KPNA7: variants seen among roughly 807,000 people sequenced by gnomAD.
KPNA7 encodes the protein karyopherin subunit alpha 7.
A neutral mutation model predicts 53.7 loss-of-function variants in KPNA7; 54 were observed. The observed-to-expected ratio is 1.01, with a 90% CI of 0.81 to 1.26. The LOEUF (loss-of-function observed/expected upper bound fraction) is 1.26, where lower values mean the gene tolerates loss of function less well. Among genes scored for constraint, KPNA7 ranks in the 50% most tolerant of loss-of-function variants. The probability of loss-of-function intolerance (pLI) is 0.00; values close to 1 mark genes in which losing one functional copy is unlikely to be tolerated. For missense variants in KPNA7, 640 were observed against 644.5 expected (o/e 0.99, Z 0.07); for synonymous variants, 276 against 259.3 (o/e 1.06, Z -0.62).
intron 6 of KPNA7, 21 bp downstream of exon 6, chr7:99,192,998 G>A (rs74537029): frequency 6.4e-6 from 9 of 1,409,874 alleles, no homozygotes; most frequent in Admixed American, 2.7e-5. Flanking sequence ...AAAAAAAAAA[G>A]AGAAAGAAAA....
chr7:99,188,291 T>C lies in KPNA7; in HGVS notation c.900+9A>G. ...GACTCGAATCCACAGGGCCCAGGAT[T>C]GCATTTACCAAGACATTGAGTTCTG... On this transcript the variant is annotated intron_variant, in intron 7 of 10. Transcript: ENST00000327442. 2 of 1,549,222 alleles carry C rather than the reference T, an allele frequency of 1.3e-6. No homozygotes were observed. The highest frequency in any genetic ancestry group is 2.4e-5 in the South Asian group (2 of 84,016).
At chr7:99,197,140 C>T (rs955807618) in intron 3 of KPNA7, among the ~76,000 whole-genome samples, 3 of 152,164 alleles carry the variant, frequency 2.0e-5, no homozygotes, top group African/African-American at 7.2e-5. Context: ...TGTCAACTGC[C>T]TGGCTGAGTG....
chr7:99,148,016 C>T, the KPNA7 span, among the ~76,000 whole-genome samples: 1 of 139,736 alleles, frequency 7.2e-6, no homozygotes, highest in Non-Finnish European at 1.5e-5. Flanking sequence ...GACCCCATGT[C>T]TTTAAAAAAA....
rs1790212516 is a variant in KPNA7, at chr7:99,196,021, A to G, written c.284+63T>C. The G allele has an allele frequency of 2.2e-6, 3 of 1,360,518 alleles. No homozygotes were observed. In the South Asian group the frequency reaches 3.8e-5, roughly 17 times the overall value. 84.3% of individuals were successfully genotyped at this position (1,360,518 alleles called of 1,614,324 possible). On this transcript the variant is annotated intron_variant, in intron 4 of 10. Transcript: ENST00000327442. ...AAACCAAATAGGCCACCGGCGCTCC[A>G]GCCATCACTGACGCTCATTGCTAAC...
At chr7:99,217,076 T>C (rs1383070083) in intron 1 of KPNA7, among the ~76,000 whole-genome samples, 1 of 152,248 alleles carries the variant, frequency 6.6e-6, no homozygotes, top group South Asian at 2.1e-4. Flanking sequence ...AGTTGGCTTC[T>C]ACAAAATAGC....
chr7:99,176,349 T>C (rs1260387073), intron 10 of KPNA7, among the ~76,000 whole-genome samples: 5 of 145,876 alleles, frequency 3.4e-5, no homozygotes, highest in Non-Finnish European at 7.5e-5. Flanking sequence ...ATTTCTGATA[T>C]AAGTGCAAAT....
At chr7:99,202,968 A>T in intron 3 of KPNA7, 138 bp downstream of exon 3, 1 of 1,037,372 alleles carries the variant, frequency 9.6e-7, no homozygotes, top group Non-Finnish European at 1.4e-6. Flanking sequence ...TTTAGCTCAA[A>T]CCATAATCTC....
At position 99,193,064 on chromosome 7, in the gene KPNA7, G is replaced by A; in HGVS notation, c.591C>T (p.Ser197=). The change falls in exon 6 of 11, where the codon AGC becomes AGT. Residue 197 remains serine (S), a synonymous_variant. Coordinates refer to ENST00000327442, the MANE Select transcript of KPNA7 (RefSeq NM_001145715.3). Reference sequence around the variant, plus strand: ...AGGCTAGGAGATGTGGGATGGCATTGCTTGTGATGACGTTATCTCTGAACT... The same window carrying A: ...AGGCTAGGAGATGTGGGATGGCATTACTTGTGATGACGTTATCTCTGAACT... The part of the protein sequence containing the change: ...GPEFRDNVIT[S]NAIPHLLALI... The A allele has an allele frequency of 1.3e-6, 2 of 1,511,776 alleles. No individual in the cohort carries two copies. Among genetic ancestry groups the A allele is most frequent in the Non-Finnish European group, 1.8e-6 (2 of 1,131,974 alleles). 93.6% of individuals were successfully genotyped at this position (1,511,776 alleles called of 1,614,324 possible).
intron 9 of KPNA7, among the ~76,000 whole-genome samples, chr7:99,179,149 C>T (rs750271246): frequency 2.6e-5 from 4 of 152,090 alleles, no homozygotes; most frequent in Non-Finnish European, 4.4e-5. Flanking sequence ...CTAATCTAGT[C>T]TTGACTCAGA....
chr7:99,210,052 TAACTCTCCTGCTTAAAAA>T (rs1228796600), upstream of KPNA7, among the ~76,000 whole-genome samples: 1 of 151,402 alleles, frequency 6.6e-6, no homozygotes, highest in Non-Finnish European at 1.5e-5. Context: ...GAATCTGATC[TAACTCTCCTGCTTAAAAA>T]AACTCTCCTG....
chr7:99,169,767 G>A (rs543889254), downstream of KPNA7, among the ~76,000 whole-genome samples: 5 of 145,354 alleles, frequency 3.4e-5, no homozygotes, highest in South Asian at 2.2e-4. Flanking sequence ...TGGGCCAGGC[G>A]CAGTGGCTCA....
chr7:99,165,707 T>A, the KPNA7 span, among the ~76,000 whole-genome samples: 1 of 152,186 alleles, frequency 6.6e-6, no homozygotes, highest in Non-Finnish European at 1.5e-5. Flanking sequence ...AAATTTAGCT[T>A]AATCTCTACA....
At chr7:99,191,276 G>T (rs1789940310) in intron 6 of KPNA7, among the ~76,000 whole-genome samples, 1 of 151,498 alleles carries the variant, frequency 6.6e-6, no homozygotes. Context: ...TCCTGCCTCA[G>T]CCTCCTGAGT....
the KPNA7 span, among the ~76,000 whole-genome samples, chr7:99,158,182 A>G: frequency 9.2e-5 from 14 of 151,492 alleles, no homozygotes; most frequent in East Asian, 2.5e-3. Context: ...ACCACACCCA[A>G]CTGGATCTTT....
the KPNA7 span, among the ~76,000 whole-genome samples, chr7:99,161,063 TGTTTACCAG>T: frequency 6.6e-6 from 1 of 152,164 alleles, no homozygotes; most frequent in East Asian, 1.9e-4. Context: ...GGTTTCACCA[TGTTTACCAG>T]GTTGGTCTCG....
chr7:99,157,220 A>C, the KPNA7 span, among the ~76,000 whole-genome samples: 2 of 152,116 alleles, frequency 1.3e-5, no homozygotes, highest in Middle Eastern at 3.4e-3. Context: ...CCATGATGCC[A>C]ATTTTCTTGA....
chr7:99,207,404 C>T lies in KPNA7; in HGVS notation c.63G>A (p.Val21=), dbSNP rs771162364. 6.4e-7 allele frequency: 1 copy of T among 1,551,400 alleles called. No homozygotes were observed. Among genetic ancestry groups the T allele is most frequent in the South Asian group, 1.2e-5 (1 of 84,054 alleles). Residue 21 remains valine, a synonymous_variant, in exon 2 of 11, where the codon GTG becomes GTA. Transcript: ENST00000327442. Reference sequence around the variant, plus strand: ...CAGGTGGGTGCTTCATACTCACAGACACATCTTTGCCTCGGTACTTAAATT... The same window carrying T: ...CAGGTGGGTGCTTCATACTCACAGATACATCTTTGCCTCGGTACTTAAATT... ...RRKFKYRGKD[V]SLRRQQRMAV...
At position 99,205,944 on chromosome 7, in the gene KPNA7, G is replaced by A. The variant is rs567869844; in HGVS notation, c.66+1457C>T. ...GTGAATGTTAGAATCCATATACACA[G>A]CACACACCCCCCGTCCCCAGCCCTT... On this transcript the variant is annotated intron_variant, in intron 2 of 10. Transcript: ENST00000327442. 1.8e-4 allele frequency among the ~76,000 whole-genome samples: 27 copies of A among 152,242 alleles called. 1 individual carries two copies. The South Asian group carries it at 5.4e-3, about 30-fold the overall frequency.
At chr7:99,164,636 A>T in the KPNA7 span, among the ~76,000 whole-genome samples, 72 of 44,288 alleles carry the variant, frequency 1.6e-3, 1 homozygote, top group Non-Finnish European at 5.7e-3. Flanking sequence ...AGAATTTAAA[A>T]AAAAAAAAAA....
Sources: gnomAD v4.1 joint callset for allele counts (sites outside exome capture counted in the v4.1 genomes callset) on GRCh38, gnomAD v4.1.1 for gene constraint, MANE v1.5 for transcripts, NCBI Gene and HGNC (gene_info 2026-07-23, HGNC 2026-07-21) for gene names.